RUFY4: variants seen among roughly 807,000 people sequenced by gnomAD.
The protein encoded by RUFY4 is RUN and FYVE domain-containing protein 4.
Under a neutral mutation model 69.0 loss-of-function variants are expected in RUFY4, and 73 were observed. That is an observed-to-expected ratio of 1.06 (90% CI 0.88 to 1.29). The LOEUF is 1.29. Ranked by LOEUF, RUFY4 falls within the 50% of genes most tolerant of loss-of-function variation. The pLI, the probability that RUFY4 is intolerant of heterozygous loss-of-function variation, is 0.00. For missense variants in RUFY4, 770 were observed against 705.6 expected (o/e 1.09, Z -1.03); for synonymous variants, 287 against 271.8 (o/e 1.06, Z -0.55).
intron 2 of RUFY4, among the ~76,000 whole-genome samples, chr2:218,035,783 A>G (rs1958967138): frequency 6.6e-6 from 1 of 152,170 alleles, no homozygotes; most frequent in Non-Finnish European, 1.5e-5. Flanking sequence ...TGCTCCCCCC[A>G]CACACGCAGC....
At chr2:218,067,023 A>T (rs1689350511), upstream of RUFY4, among the ~76,000 whole-genome samples, 1 of 152,242 alleles carries the variant, frequency 6.6e-6, no homozygotes, top group Non-Finnish European at 1.5e-5. Context: ...CAACACGCTA[A>T]TACAGACAAA....
chr2:218,073,089 C>A (rs1488839653), intron 4 of RUFY4, among the ~76,000 whole-genome samples, 154 bp from the exon 7 acceptor site: 8 of 151,860 alleles, frequency 5.3e-5, no homozygotes, highest in Non-Finnish European at 1.0e-4. Flanking sequence ...GGGCCTCCTG[C>A]TCCTGAAGGG....
At chr2:218,065,195 C>T (rs1689295065), upstream of RUFY4, among the ~76,000 whole-genome samples, 1 of 152,284 alleles carries the variant, frequency 6.6e-6, no homozygotes, top group South Asian at 2.1e-4. Flanking sequence ...CAAAATTAGT[C>T]GTGGCCCCAC....
At chr2:218,078,897 C>T (rs775806503) in intron 8 of RUFY4, among the ~76,000 whole-genome samples, 25 of 152,080 alleles carry the variant, frequency 1.6e-4, no homozygotes, top group Admixed American at 1.3e-4. Flanking sequence ...GACAGAGTTT[C>T]GCTCTTGCTG....
At chr2:218,071,678 C>T (rs1018005646) in intron 2 of RUFY4, among the ~76,000 whole-genome samples, 1 of 152,166 alleles carries the variant, frequency 6.6e-6, no homozygotes, top group African/African-American at 2.4e-5. Context: ...TTATTTTTTT[C>T]TCCGTAGCAG....
intron 8 of RUFY4, among the ~76,000 whole-genome samples, chr2:218,078,686 G>A (rs1014419941): frequency 2.0e-5 from 3 of 152,098 alleles, no homozygotes; most frequent in African/African-American, 7.2e-5. Flanking sequence ...ATATTTAAGA[G>A]TTATACATCC....
Position 218,043,277 on chromosome 2 carries a change from G to T in RUFY4, c.-1158+7883G>T, listed in dbSNP as rs142423400. On this transcript the variant is annotated intron_variant and NMD_transcript_variant, in intron 2 of 13. Coordinates refer to the RUFY4 transcript ENST00000457754. ...GGTCTTCTCTGCAGCTGGTCATTTGGTCATCTTCCACTCTCAGCAGTCAGG... is the reference window on the plus strand; with the variant it reads ...GGTCTTCTCTGCAGCTGGTCATTTGTTCATCTTCCACTCTCAGCAGTCAGG... Among the ~76,000 whole-genome samples, 265 of 151,584 alleles carry T rather than the reference G, an allele frequency of 1.7e-3. 1 individual carries two copies. The highest frequency in any genetic ancestry group is 6.3e-3 in the African/African-American group (259 of 41,292).
In RUFY4 at chr2:218,056,628, T is replaced by C. The variant is rs190744280; in HGVS notation, c.-1157-1967T>C. ...TGAAAATTGATTACATAAATTACAGTTATCTTGTCACATACAACTAAATTA... is the reference window on the plus strand; with the variant it reads ...TGAAAATTGATTACATAAATTACAGCTATCTTGTCACATACAACTAAATTA... On this transcript the variant is annotated intron_variant and NMD_transcript_variant, in intron 2 of 13. Coordinates refer to the RUFY4 transcript ENST00000457754. 3.2e-3 allele frequency among the ~76,000 whole-genome samples: 487 copies of C among 152,324 alleles called. 2 individuals are homozygous for C. The highest frequency in any genetic ancestry group is 0.011 in the African/African-American group (448 of 41,566).
At chr2:218,081,093 C>T (rs1296246893) in intron 8 of RUFY4, among the ~76,000 whole-genome samples, 1 of 152,194 alleles carries the variant, frequency 6.6e-6, no homozygotes, top group Non-Finnish European at 1.5e-5. Context: ...CTTCCATGTC[C>T]CCTCGTGTGC....
upstream of RUFY4, chr2:218,069,135 C>A (rs1225848546): frequency 2.6e-5 from 4 of 152,386 alleles, no homozygotes; most frequent in Admixed American, 1.3e-4. Flanking sequence ...TCTGCCCCAG[C>A]GCCCTGGATC....
At chr2:218,053,935 G>A (rs369373705) in intron 2 of RUFY4, among the ~76,000 whole-genome samples, 3 of 152,188 alleles carry the variant, frequency 2.0e-5, no homozygotes, top group Non-Finnish European at 4.4e-5. Context: ...CTGAGACACC[G>A]CACCTGGCCT....
At chr2:218,054,554 C>CAAAAAAAAA (rs35697446) in intron 2 of RUFY4, among the ~76,000 whole-genome samples, 1 of 79,930 alleles carries the variant, frequency 1.3e-5, no homozygotes. Context: ...GACTCTGTCT[C>CAAAAAAAAA]AAAAAAAAAA....
intron 9 of RUFY4, among the ~76,000 whole-genome samples, chr2:218,088,224 T>C (rs930862780): frequency 6.6e-6 from 1 of 152,086 alleles, no homozygotes; most frequent in African/African-American, 2.4e-5. Context: ...TGGGGAATGG[T>C]GGTTCATGCC....
At chr2:218,065,322 T>C (rs1689297718), upstream of RUFY4, among the ~76,000 whole-genome samples, 2 of 152,014 alleles carry the variant, frequency 1.3e-5, no homozygotes, top group African/African-American at 4.8e-5. Flanking sequence ...TTAACCACCT[T>C]GATTGGCCAT....
chr2:218,060,762 A>C lies in RUFY4; in HGVS notation c.-1071+2081A>C, dbSNP rs765334531. On this transcript the variant is annotated intron_variant and NMD_transcript_variant, in intron 3 of 13. Transcript: ENST00000457754. The stretch of plus-strand genomic sequence containing the variant: ...ACAGCATGATCGCAGCGGCACGATG[A>C]AGCCAAAGGACTGGGGCAGGATCCG... 9 of 1,546,204 alleles carry C rather than the reference A, an allele frequency of 5.8e-6. No homozygotes were observed. The Admixed American group carries it at 8.4e-5, about 14-fold the overall frequency.
chr2:218,088,005 G>A (rs1347372749), intron 9 of RUFY4, among the ~76,000 whole-genome samples: 3 of 151,968 alleles, frequency 2.0e-5, no homozygotes, highest in East Asian at 1.9e-4. Flanking sequence ...AAATATAGGA[G>A]CATATTACTT....
intron 8 of RUFY4, among the ~76,000 whole-genome samples, chr2:218,082,064 A>C (rs903721159): frequency 6.6e-6 from 1 of 152,134 alleles, no homozygotes; most frequent in Non-Finnish European, 1.5e-5. Flanking sequence ...GGGCCTCCCA[A>C]CTGAGCCAGA....
chr2:218,053,464 GC>G (rs1688989307), intron 2 of RUFY4, among the ~76,000 whole-genome samples: 1 of 151,114 alleles, frequency 6.6e-6, no homozygotes, highest in African/African-American at 2.4e-5. Context: ...TCCTACCTCA[GC>G]TTCCCAGGTA....
rs577200557 is a variant in RUFY4, at chr2:218,083,235, G to A, written c.1481G>A (p.Arg494Lys). 4.3e-6 allele frequency: 7 copies of A among 1,610,988 alleles called. No homozygotes were observed. In the South Asian group the frequency reaches 7.7e-5, roughly 18 times the overall value. Residue 494 changes from arginine (R) to lysine (K), a missense_variant, in exon 9 of 11, where the codon AGG becomes AAG. Coordinates refer to ENST00000344321, the Ensembl canonical transcript of RUFY4. ...CGGGACTTGGTCCAGGCCATGAAGA[G>A]GCGGGTGTTGGAACTGATCCAGTAA... is the stretch of plus-strand genomic sequence containing the variant.
Sources: allele counts gnomAD v4.1 joint callset (sites outside exome capture counted in the v4.1 genomes callset), GRCh38; gene constraint gnomAD v4.1.1; transcripts MANE v1.5; gene names NCBI Gene and HGNC (gene_info 2026-07-23, HGNC 2026-07-21).